NAA25: variants seen among roughly 807,000 people sequenced by gnomAD.
NAA25 encodes N-terminal acetyltransferase B complex subunit NAA25.
NAA25 carries 30 observed loss-of-function variants against 132.5 expected under a neutral mutation model. That is an observed-to-expected ratio of 0.23 (90% CI 0.17 to 0.31). NAA25 has a LOEUF of 0.31. NAA25 is among the 10% of genes least tolerant of loss of function. The pLI, the probability that NAA25 is intolerant of heterozygous loss-of-function variation, is 1.00. For synonymous variants in NAA25, 359 were observed against 401.9 expected (o/e 0.89, Z 1.28); for missense variants, 771 against 1,150.4 (o/e 0.67, Z 4.77).
In NAA25 at chr12:112,062,543, A is replaced by G. The variant is rs551024294; in HGVS notation, c.1150-1155T>C. Among the ~76,000 whole-genome samples the G allele has an allele frequency of 5.6e-4, 85 of 151,980 alleles. 1 individual carries two copies. In the South Asian group the frequency reaches 0.017, roughly 31 times the overall value. ...GGTTCGAGACCTCCCTGGCCAACAC[A>G]GTGAAACCCTGTCTCTACTAAAAAT... On this transcript the variant is annotated intron_variant, in intron 11 of 23. Coordinates refer to ENST00000261745, the MANE Select transcript of NAA25 (RefSeq NM_024953.4).
chr12:112,047,480 C>T (rs2078404292), intron 17 of NAA25, among the ~76,000 whole-genome samples, 185 bp downstream of exon 17: 1 of 152,158 alleles, frequency 6.6e-6, no homozygotes, highest in South Asian at 2.1e-4. Context: ...GATCCACCGG[C>T]CTCGGCCTCC....
chr12:112,053,677 G>T lies in NAA25; in HGVS notation c.1629-20C>A. 1 of 1,494,774 alleles carries T rather than the reference G, an allele frequency of 6.7e-7. No individual in the cohort carries two copies. The highest frequency in any genetic ancestry group is 1.3e-5 in the South Asian group (1 of 78,506). 92.6% of individuals were successfully genotyped at this position (1,494,774 alleles called of 1,614,324 possible). A position where few individuals can be genotyped will look rare whatever the true frequency, so the allele number is the denominator to read the frequency against. On this transcript the variant is annotated intron_variant, in intron 14 of 23. Coordinates refer to ENST00000261745, the MANE Select transcript of NAA25 (RefSeq NM_024953.4). ...AGATAACTAGATCAGAAGGAAAGAA[G>T]GAAAAAAAAAGACATGTTATACTTA...
chr12:112,087,868 C>T, intron 3 of NAA25, 67 bp from the exon 4 acceptor site: 1 of 1,064,182 alleles, frequency 9.4e-7, no homozygotes, highest in Non-Finnish European at 1.4e-6. Flanking sequence ...TAATGTTCTT[C>T]CTATTTGGCA....
chr12:112,067,547 T>C (rs571728823), intron 11 of NAA25, among the ~76,000 whole-genome samples: 142 of 151,930 alleles, frequency 9.3e-4, no homozygotes, highest in Middle Eastern at 6.8e-3. Context: ...TGTCTCTAAC[T>C]AAAAATACAA....
At chr12:112,083,009 G>T (rs1009640774) in intron 4 of NAA25, among the ~76,000 whole-genome samples, 1 of 152,116 alleles carries the variant, frequency 6.6e-6, no homozygotes, top group African/African-American at 2.4e-5. Flanking sequence ...TACTTTTGTT[G>T]TAAGGTATTA....
chr12:112,046,380 C>T (rs566428512), intron 17 of NAA25, among the ~76,000 whole-genome samples: 4 of 152,286 alleles, frequency 2.6e-5, no homozygotes, highest in East Asian at 1.9e-4. Flanking sequence ...TTTTCCCTTC[C>T]GGATTCTGTC....
In NAA25 at chr12:112,103,486, G is replaced by A. The variant is rs373279172; in HGVS notation, c.58+5230C>T. 3.3e-5 allele frequency among the ~76,000 whole-genome samples: 5 copies of A among 152,200 alleles called. No homozygotes were observed. The East Asian group carries it at 7.7e-4, about 23-fold the overall frequency. On this transcript the variant is annotated intron_variant, in intron 1 of 23. Coordinates refer to ENST00000261745, the MANE Select transcript of NAA25 (RefSeq NM_024953.4). ...GATTCATTGAGAGAAGTTCTAGTAA[G>A]TCAGGGCTTTTTAAATGGTCATATT...
At chr12:112,074,977 TC>T (rs1174004873) in intron 8 of NAA25, among the ~76,000 whole-genome samples, 1 of 152,142 alleles carries the variant, frequency 6.6e-6, no homozygotes, top group Non-Finnish European at 1.5e-5. Context: ...AACTACTCTT[TC>T]CTTCAATAAA....
At chr12:112,096,475 C>T (rs1305849589) in intron 1 of NAA25, among the ~76,000 whole-genome samples, 1 of 152,186 alleles carries the variant, frequency 6.6e-6, no homozygotes, top group African/African-American at 2.4e-5. Flanking sequence ...CTCATGAATG[C>T]ATGAGTTCAA....
intron 13 of NAA25, among the ~76,000 whole-genome samples, chr12:112,059,104 A>C (rs907837723): frequency 9.9e-5 from 9 of 90,868 alleles, no homozygotes; most frequent in African/African-American, 5.0e-4. Flanking sequence ...AAAAAAAAAA[A>C]AAAAAAAAAA....
rs74903046 is a variant in NAA25, at chr12:112,081,739, A to C, written c.403-605T>G. On this transcript the variant is annotated intron_variant, in intron 4 of 23. Transcript: ENST00000261745. ...AGACTCTATCCATAATTAGCCAACT[A>C]GTAATTGATGCTAAAAACTCCATCA... Among the ~76,000 whole-genome samples the C allele has an allele frequency of 5.9e-3, 899 of 152,346 alleles. 11 individuals are homozygous for C. Among genetic ancestry groups the C allele is most frequent in the African/African-American group, 0.02 (847 of 41,588 alleles).
intron 4 of NAA25, 134 bp downstream of exon 4, chr12:112,087,549 A>C (rs2079073735): frequency 1.6e-6 from 1 of 631,176 alleles, no homozygotes; most frequent in African/African-American, 1.8e-5. Flanking sequence ...AAAACAACTG[A>C]CTGACCTCCA....
At chr12:112,080,455 T>G (rs550727908) in intron 5 of NAA25, among the ~76,000 whole-genome samples, 2 of 152,080 alleles carry the variant, frequency 1.3e-5, no homozygotes, top group South Asian at 2.1e-4. Context: ...AAGGATTGCT[T>G]GAGGCCAGGA....
intron 11 of NAA25, among the ~76,000 whole-genome samples, chr12:112,061,919 T>C (rs1245676216): frequency 6.6e-6 from 1 of 152,208 alleles, no homozygotes; most frequent in African/African-American, 2.4e-5. Context: ...AGAAATGAGA[T>C]CCCATGTACC....
chr12:112,046,272 C>T (rs2078379772), intron 17 of NAA25, among the ~76,000 whole-genome samples: 1 of 152,216 alleles, frequency 6.6e-6, no homozygotes, highest in South Asian at 2.1e-4. Context: ...TGTGTTACTG[C>T]ATTTTTCCCT....
At chr12:112,108,610 T>G in intron 1 of NAA25, 106 bp downstream of exon 1, 1 of 1,173,294 alleles carries the variant, frequency 8.5e-7, no homozygotes, top group Non-Finnish European at 1.1e-6. Context: ...CCCCTGCGCC[T>G]GCCCGGCCCG....
At chr12:112,068,415 A>G (rs889334570) in intron 11 of NAA25, among the ~76,000 whole-genome samples, 1 of 152,062 alleles carries the variant, frequency 6.6e-6, no homozygotes, top group Non-Finnish European at 1.5e-5. Context: ...CATACACAAC[A>G]CCCAAACACA....
chr12:112,049,003 A>G lies in NAA25; in HGVS notation c.1729-560T>C, dbSNP rs549451452. Among the ~76,000 whole-genome samples the G allele has an allele frequency of 2.6e-5, 4 of 152,328 alleles. No homozygotes were observed. The highest frequency in any genetic ancestry group is 9.6e-5 in the African/African-American group (4 of 41,572). ...CGTCAGGATAGAAGTAAGACACCAA[A>G]CAAAAGACCTATCAAAATTCATGTC... On this transcript the variant is annotated intron_variant, in intron 15 of 23. Coordinates refer to ENST00000261745, the MANE Select transcript of NAA25 (RefSeq NM_024953.4). The surrounding 1 kb of genome is among the most constrained non-coding windows in gnomAD (Gnocchi z 4.7).
At position 112,027,003 on chromosome 12, in the gene NAA25, G is replaced by A. The variant is rs1452749287; in HGVS notation, c.*2528C>T. 1.3e-5 allele frequency: 2 copies of A among 152,680 alleles called. No homozygotes were observed. The highest frequency in any genetic ancestry group is 1.9e-4 in the East Asian group (1 of 5,192). The allele number at this position is 152,680 out of a possible 1,614,324, so 9.5% of individuals were successfully genotyped here. A position where few individuals can be genotyped will look rare whatever the true frequency, so the allele number is the denominator to read the frequency against. Reference sequence around the variant, plus strand: ...ATTTGTACATTTTCCATTATGTGGAGAACACTACAAGTTTCTCTACCTTTT... The same window carrying A: ...ATTTGTACATTTTCCATTATGTGGAAAACACTACAAGTTTCTCTACCTTTT... On this transcript the variant is annotated 3_prime_UTR_variant, in exon 24 of 24. Coordinates refer to ENST00000261745, the MANE Select transcript of NAA25 (RefSeq NM_024953.4).
Sources: allele counts gnomAD v4.1 joint callset (sites outside exome capture counted in the v4.1 genomes callset), GRCh38; gene constraint gnomAD v4.1.1; non-coding constraint Gnocchi (gnomAD v3.1); transcripts MANE v1.5; gene names NCBI Gene and HGNC (gene_info 2026-07-23, HGNC 2026-07-21).